Variants in RERE observed in about 807,000 individuals in gnomAD.
RERE encodes arginine-glutamic acid dipeptide repeats protein.
Under a neutral mutation model 146.1 loss-of-function variants are expected in RERE, and 40 were observed. The observed-to-expected ratio is 0.27, with a 90% CI of 0.21 to 0.36. The LOEUF is 0.36. Among genes scored for constraint, RERE ranks in the 10% least tolerant of loss-of-function variants. The pLI is 1.00. For missense variants in RERE, 1,933 were observed against 2,138.7 expected (o/e 0.90, Z 1.90); for synonymous variants, 1,003 against 866.0 (o/e 1.16, Z -2.78).
At position 8,667,685 on chromosome 1, in the gene RERE, A is replaced by G. The variant is rs191084116; in HGVS notation, c.-144-11244T>C. ...GAGCAAGACTCCGTCTCAAAAAACA[A>G]CAACAACAACAACAAAACCCACACA... On this transcript the variant is annotated intron_variant, in intron 1 of 22. Coordinates refer to ENST00000400908, the MANE Select transcript of RERE (RefSeq NM_001042681.2). 1.9e-3 allele frequency among the ~76,000 whole-genome samples: 288 copies of G among 152,326 alleles called. 1 individual carries two copies. The highest frequency in any genetic ancestry group is 6.8e-3 in the Middle Eastern group (2 of 294).
At chr1:8,527,112 C>T (rs1030579070) in intron 7 of RERE, among the ~76,000 whole-genome samples, 16 of 152,186 alleles carry the variant, frequency 1.1e-4, no homozygotes, top group African/African-American at 3.9e-4. Context: ...TTCCATAGCA[C>T]TCCCGTTTAT....
intron 1 of RERE, among the ~76,000 whole-genome samples, chr1:8,659,305 C>G (rs1638402337): frequency 6.6e-6 from 1 of 152,226 alleles, no homozygotes; most frequent in South Asian, 2.1e-4. Flanking sequence ...GCCTGTCATC[C>G]CAGCACTTTG....
At chr1:8,784,996 T>C (rs948506324) in intron 1 of RERE, among the ~76,000 whole-genome samples, 1 of 152,144 alleles carries the variant, frequency 6.6e-6, no homozygotes, top group African/African-American at 2.4e-5. Context: ...CAAATCAAAG[T>C]TCCACACAGC....
At chr1:8,676,559 C>A (rs1638845727) in intron 1 of RERE, among the ~76,000 whole-genome samples, 1 of 152,108 alleles carries the variant, frequency 6.6e-6, no homozygotes, top group Non-Finnish European at 1.5e-5. Flanking sequence ...AACTAAACTA[C>A]CAAGAAGGAA....
intron 1 of RERE, among the ~76,000 whole-genome samples, chr1:8,796,181 T>C (rs1641470216): frequency 6.6e-6 from 1 of 152,162 alleles, no homozygotes; most frequent in African/African-American, 2.4e-5. Flanking sequence ...AAATGGGCAC[T>C]ACACAAGAAT....
chr1:8,541,324 A>G lies in RERE; in HGVS notation c.726-6T>C, dbSNP rs746912840. 6.4e-7 allele frequency: 1 copy of G among 1,557,800 alleles called. No homozygotes were observed. Among genetic ancestry groups the G allele is most frequent in the Non-Finnish European group, 8.8e-7 (1 of 1,132,020 alleles). ...GGGAGATGTTACACTTCCCTCTGGG[A>G]AAAAGAGAAAAAAATAATTAGTAAT... On this transcript the variant is annotated splice_region_variant and splice_polypyrimidine_tract_variant and intron_variant, in intron 6 of 22. Transcript: ENST00000400908.
At chr1:8,737,280 T>G (rs1640219868) in intron 1 of RERE, among the ~76,000 whole-genome samples, 1 of 152,162 alleles carries the variant, frequency 6.6e-6, no homozygotes, top group Non-Finnish European at 1.5e-5. Context: ...AACTAATAAG[T>G]CAGCTATACA....
chr1:8,630,793 C>A (rs7511964), intron 2 of RERE, among the ~76,000 whole-genome samples: 2,309 of 152,244 alleles, frequency 0.015, 61 homozygotes, highest in African/African-American at 0.053. Context: ...GGGAAAAGTG[C>A]ACCTCCATAA....
At position 8,791,872 on chromosome 1, in the gene RERE, T is replaced by C. The variant is rs1641369720; in HGVS notation, c.-145+25288A>G. Among the ~76,000 whole-genome samples, 7 of 152,292 alleles carry C rather than the reference T, an allele frequency of 4.6e-5. No homozygotes were observed. The South Asian group carries it at 1.5e-3, about 32-fold the overall frequency. On this transcript the variant is annotated intron_variant, in intron 1 of 22. Coordinates refer to ENST00000400908, the MANE Select transcript of RERE (RefSeq NM_001042681.2). Reference sequence around the variant, plus strand: ...AAAAGAAAACTTGTCAGAAACCATTTAAAGACAAAGGACACCATCATCTCC... The same window carrying C: ...AAAAGAAAACTTGTCAGAAACCATTCAAAGACAAAGGACACCATCATCTCC...
rs191973347 is a variant in RERE at position 8,687,080 on chromosome 1, G to A, written c.-144-30639C>T. On this transcript the variant is annotated intron_variant, in intron 1 of 22. Coordinates refer to ENST00000400908, the MANE Select transcript of RERE (RefSeq NM_001042681.2). ...GGAAGCAGAGAAATCAGCAATAGCTGGCAGAGTAAGTGGGATCCAAATACG... is the reference window on the plus strand; with the variant it reads ...GGAAGCAGAGAAATCAGCAATAGCTAGCAGAGTAAGTGGGATCCAAATACG... 5.3e-5 allele frequency among the ~76,000 whole-genome samples: 8 copies of A among 152,350 alleles called. No homozygotes were observed. In the East Asian group the frequency reaches 1.5e-3, roughly 29 times the overall value.
At chr1:8,638,300 G>A (rs1294955740) in intron 2 of RERE, among the ~76,000 whole-genome samples, 1 of 152,120 alleles carries the variant, frequency 6.6e-6, no homozygotes, top group Admixed American at 6.5e-5. Context: ...GATGTGATAG[G>A]AGAATACCTA....
At chr1:8,718,576 C>T (rs761353270) in intron 1 of RERE, among the ~76,000 whole-genome samples, 2 of 152,162 alleles carry the variant, frequency 1.3e-5, no homozygotes, top group Non-Finnish European at 2.9e-5. Context: ...TTTAGTCCTA[C>T]CTATTTTGCT....
At chr1:8,704,830 C>T (rs1224769591) in intron 1 of RERE, among the ~76,000 whole-genome samples, 1 of 152,236 alleles carries the variant, frequency 6.6e-6, no homozygotes, top group Non-Finnish European at 1.5e-5. Flanking sequence ...CTTTGCCCCC[C>T]TGAAAGGTGG....
chr1:8,674,554 TA>T (rs1449133551), intron 1 of RERE, among the ~76,000 whole-genome samples: 2 of 152,312 alleles, frequency 1.3e-5, no homozygotes, highest in African/African-American at 4.8e-5. Flanking sequence ...TGGCAAGGCT[TA>T]ATCAATACCA....
intron 12 of RERE, among the ~76,000 whole-genome samples, chr1:8,378,804 A>AG (rs1302927473): frequency 6.6e-6 from 1 of 152,174 alleles, no homozygotes; most frequent in East Asian, 1.9e-4. Flanking sequence ...GTGAGCCTCG[A>AG]GGAAAGGAGA....
intron 2 of RERE, among the ~76,000 whole-genome samples, chr1:8,639,605 C>T (rs1035273095): frequency 6.6e-6 from 1 of 152,198 alleles, no homozygotes. Flanking sequence ...AGTCTGAGTG[C>T]TAACAGAGTA....
rs577074516 is a variant in RERE, at chr1:8,664,629, C to T, written c.-144-8188G>A. On this transcript the variant is annotated intron_variant, in intron 1 of 22. Transcript: ENST00000400908. ...AGAGACAGGGTCTCATTTTGTTGCC[C>T]AGGCTAGTCTTGAACTCCTGGGCTC... Among the ~76,000 whole-genome samples the T allele has an allele frequency of 3.9e-5, 6 of 152,254 alleles. No individual in the cohort carries two copies. In the East Asian group the frequency reaches 7.7e-4, roughly 20 times the overall value.
rs564421962 is a variant in RERE, at chr1:8,742,394, A to ATATT, written c.-145+74765_-145+74766insAATA. On this transcript the variant is annotated intron_variant, in intron 1 of 22. Transcript: ENST00000400908. Reference sequence around the variant, plus strand: ...GCAAAGATTGTAGAGCTGAATCGGTATATAAAGTTACTCTGACACTCTGGG... The same window carrying ATATT: ...GCAAAGATTGTAGAGCTGAATCGGTATATTTATAAAGTTACTCTGACACTCTGGG... Among the ~76,000 whole-genome samples the ATATT allele has an allele frequency of 5.1e-4, 78 of 152,340 alleles. 1 individual carries two copies. The East Asian group carries it at 0.011, about 21-fold the overall frequency.
intron 10 of RERE, among the ~76,000 whole-genome samples, chr1:8,467,835 G>A (rs766546140): frequency 5.3e-5 from 8 of 152,022 alleles, no homozygotes; most frequent in Non-Finnish European, 1.0e-4. Context: ...TAATAGAGAT[G>A]GGGTTTCATC....
Sources: allele counts gnomAD v4.1 joint callset (sites outside exome capture counted in the v4.1 genomes callset), GRCh38; gene constraint gnomAD v4.1.1; transcripts MANE v1.5; gene names NCBI Gene and HGNC (gene_info 2026-07-23, HGNC 2026-07-21).